Variants in MAPK8 observed in about 807,000 individuals in gnomAD.
MAPK8 encodes the protein JUN N-terminal kinase.
MAPK8 carries 13 observed loss-of-function variants against 52.9 expected under a neutral mutation model. That is an observed-to-expected ratio of 0.25 (90% CI 0.16 to 0.39). MAPK8 has a LOEUF of 0.39. Among genes scored for constraint, MAPK8 ranks in the 10% least tolerant of loss-of-function variants. MAPK8 has a pLI of 1.00. For missense variants in MAPK8, 300 were observed against 519.2 expected, an observed-to-expected ratio of 0.58 and a Z score of 4.10; for synonymous variants, 191 against 169.8, an observed-to-expected ratio of 1.12 and a Z score of -0.97.
At chr10:48,347,700 A>G (rs1194963443) in intron 1 of MAPK8, among the ~76,000 whole-genome samples, 1 of 152,172 alleles carries the variant, frequency 6.6e-6, no homozygotes, top group Non-Finnish European at 1.5e-5. Context: ...TTCCAGATTC[A>G]TCCATGTCCC....
chr10:48,351,573 A>C (rs745779520), intron 1 of MAPK8, among the ~76,000 whole-genome samples: 6 of 152,148 alleles, frequency 3.9e-5, no homozygotes, highest in Non-Finnish European at 8.8e-5. Context: ...AACATGCTTG[A>C]AATAAATTAA....
At chr10:48,383,001 C>G (rs1288908115) in intron 1 of MAPK8, among the ~76,000 whole-genome samples, 1 of 149,382 alleles carries the variant, frequency 6.7e-6, no homozygotes, top group African/African-American at 2.5e-5. Flanking sequence ...AAGCTAATTT[C>G]TGGCTATAGA....
chr10:48,315,918 G>A (rs1237937445), intron 1 of MAPK8, among the ~76,000 whole-genome samples: 9 of 151,984 alleles, frequency 5.9e-5, no homozygotes, highest in East Asian at 3.9e-4. Context: ...TGTAAAATGA[G>A]CCAAAATATC....
intron 1 of MAPK8, among the ~76,000 whole-genome samples, chr10:48,367,962 A>C (rs1481227896): frequency 6.6e-6 from 1 of 152,172 alleles, no homozygotes; most frequent in African/African-American, 2.4e-5. Flanking sequence ...GAATTAAATT[A>C]ACTTATATTA....
At chr10:48,427,181 G>C (rs1159867046) in intron 10 of MAPK8, 38 bp downstream of exon 10, 4 of 1,512,528 alleles carry the variant, frequency 2.6e-6, no homozygotes, top group Non-Finnish European at 3.7e-6. Flanking sequence ...AACTGTGAAG[G>C]AGCTTCTGGT....
At chr10:48,356,466 A>G (rs557627070) in intron 1 of MAPK8, among the ~76,000 whole-genome samples, 4 of 152,236 alleles carry the variant, frequency 2.6e-5, no homozygotes, top group Non-Finnish European at 5.9e-5. Flanking sequence ...TGATGGATAT[A>G]AATCCAAATA....
intron 1 of MAPK8, among the ~76,000 whole-genome samples, chr10:48,399,668 G>A (rs2042060639): frequency 6.6e-6 from 1 of 152,162 alleles, no homozygotes; most frequent in African/African-American, 2.4e-5. Flanking sequence ...TCCAGCAAGT[G>A]GAGAAACTCT....
chr10:48,347,800 A>G (rs1385203328), intron 1 of MAPK8, among the ~76,000 whole-genome samples: 1 of 152,094 alleles, frequency 6.6e-6, no homozygotes, highest in Non-Finnish European at 1.5e-5. Flanking sequence ...TCTGTCATTG[A>G]TGGGCATTTG....
intron 1 of MAPK8, among the ~76,000 whole-genome samples, chr10:48,394,655 T>C (rs1455221053): frequency 6.6e-6 from 1 of 151,930 alleles, no homozygotes; most frequent in African/African-American, 2.4e-5. Flanking sequence ...GATGAAAGAC[T>C]GAATGCTTTC....
chr10:48,412,093 G>A (rs1441274299), intron 5 of MAPK8, among the ~76,000 whole-genome samples: 1 of 152,140 alleles, frequency 6.6e-6, no homozygotes, highest in Non-Finnish European at 1.5e-5. Context: ...TGATCTGCCC[G>A]CCTTGGCCTC....
chr10:48,356,670 C>T (rs372042273), intron 1 of MAPK8, among the ~76,000 whole-genome samples: 291 of 151,496 alleles, frequency 1.9e-3, no homozygotes, highest in African/African-American at 5.6e-3. Flanking sequence ...GGTGAAACCC[C>T]GTCTTCACTA....
At chr10:48,309,695 G>T (rs1841782648) in intron 1 of MAPK8, among the ~76,000 whole-genome samples, 1 of 152,186 alleles carries the variant, frequency 6.6e-6, no homozygotes, top group South Asian at 2.1e-4. Flanking sequence ...TTGAATAGGA[G>T]CCTGCTTCTT....
intron 11 of MAPK8, among the ~76,000 whole-genome samples, chr10:48,434,167 A>T (rs7086275): frequency 0.46 from 69,177 of 151,952 alleles, 15,943 homozygotes; most frequent in South Asian, 0.57. Context: ...GGCAAAGGAA[A>T]CTGTTTGCTC....
intron 5 of MAPK8, 48 bp from the exon 6 acceptor site, chr10:48,420,106 AT>A (rs776575981): frequency 2.2e-6 from 3 of 1,394,318 alleles, no homozygotes. Flanking sequence ...GAACTGTAGG[AT>A]TTTCCTATAT....
chr10:48,334,958 CCCCCTTATAAGGTTATA>C (rs1844543770), intron 1 of MAPK8, among the ~76,000 whole-genome samples: 1 of 152,148 alleles, frequency 6.6e-6, no homozygotes, highest in Non-Finnish European at 1.5e-5. Context: ...GTTTCATTAT[CCCCCTTATAAGGTTATA>C]CCCCAGTCCC....
chr10:48,435,155 G>T lies in MAPK8; in HGVS notation c.*126G>T. ...CAAAAAATGTAGAATTCATTTTGTA[G>T]TAAAGTAGTTTATTTTTTTTAATTT... On this transcript the variant is annotated 3_prime_UTR_variant, in exon 12 of 12. Transcript: ENST00000374189. The T allele has an allele frequency of 1.4e-6, 1 of 700,292 alleles. No individual in the cohort carries two copies. Among genetic ancestry groups the T allele is most frequent in the Non-Finnish European group, 2.2e-6 (1 of 458,610 alleles). 43.4% of individuals were successfully genotyped at this position (700,292 alleles called of 1,614,324 possible).
At chr10:48,373,868 G>C (rs1003114474) in intron 1 of MAPK8, among the ~76,000 whole-genome samples, 7 of 152,014 alleles carry the variant, frequency 4.6e-5, no homozygotes, top group African/African-American at 1.7e-4. Flanking sequence ...CGATATCCAG[G>C]AGTTGAACTC....
chr10:48,338,842 C>T (rs750564729), intron 1 of MAPK8, among the ~76,000 whole-genome samples: 5 of 151,266 alleles, frequency 3.3e-5, no homozygotes, highest in South Asian at 2.1e-4. Flanking sequence ...AACACACACA[C>T]CACACACACA....
chr10:48,359,634 T>C (rs1006554031), intron 1 of MAPK8, among the ~76,000 whole-genome samples: 11 of 152,334 alleles, frequency 7.2e-5, no homozygotes, highest in South Asian at 2.1e-4. Flanking sequence ...TTGAATACTT[T>C]CTATGTGACA....
Sources: allele counts gnomAD v4.1 joint callset (sites outside exome capture counted in the v4.1 genomes callset), GRCh38; gene constraint gnomAD v4.1.1; transcripts MANE v1.5; gene names NCBI Gene and HGNC (gene_info 2026-07-23, HGNC 2026-07-21).